The following NPAS3 variants were observed in gnomAD, a reference collection of about 807,000 sequenced individuals.
NPAS3 encodes neuronal PAS domain protein 3.
Under a neutral mutation model 73.1 loss-of-function variants are expected in NPAS3, and 14 were observed. That is an observed-to-expected ratio of 0.19 (90% CI 0.13 to 0.30). The LOEUF is 0.30. Ranked by LOEUF, NPAS3 falls within the 10% of genes least tolerant of loss-of-function variation. NPAS3 has a pLI of 1.00. For synonymous variants in NPAS3, 620 were observed against 541.5 expected (o/e 1.14, Z -2.01); for missense variants, 1,096 against 1,250.0 (o/e 0.88, Z 1.86).
intron 2 of NPAS3, among the ~76,000 whole-genome samples, chr14:33,209,324 T>C (rs1302776671): frequency 1.3e-5 from 2 of 152,214 alleles, no homozygotes; most frequent in East Asian, 3.9e-4. Context: ...TCAGCTGATT[T>C]GATTGACTTT....
intron 3 of NPAS3, among the ~76,000 whole-genome samples, chr14:33,242,655 T>G (rs951538122): frequency 3.3e-5 from 5 of 152,218 alleles, no homozygotes; most frequent in African/African-American, 1.2e-4. Flanking sequence ...TGGCTTTTTC[T>G]TAGAGATTTG....
intron 2 of NPAS3, among the ~76,000 whole-genome samples, chr14:33,141,340 G>A (rs2044035647): frequency 6.6e-6 from 1 of 152,158 alleles, no homozygotes; most frequent in Admixed American, 6.5e-5. Flanking sequence ...ACATTTCACA[G>A]CAGACTACTA....
At chr14:33,692,690 A>T (rs555915122) in intron 6 of NPAS3, among the ~76,000 whole-genome samples, 2 of 152,156 alleles carry the variant, frequency 1.3e-5, no homozygotes, top group Admixed American at 6.6e-5. Context: ...GCAGGATTGC[A>T]GAGCCTCTAG....
rs567822035 is a variant in NPAS3, at chr14:33,117,585, A to G, written c.140+61591A>G. Among the ~76,000 whole-genome samples the G allele has an allele frequency of 3.9e-5, 6 of 152,264 alleles. No homozygotes were observed. The South Asian group carries it at 1.0e-3, about 26-fold the overall frequency. On this transcript the variant is annotated intron_variant, in intron 2 of 11. Transcript: ENST00000356141. ...ATAGCCAAATTTGTGTTTTGCAAAA[A>G]TCAAGATCCTTTCTGAAGACTTGCT...
intron 5 of NPAS3, among the ~76,000 whole-genome samples, chr14:33,643,379 A>AATT (rs2058730063): frequency 6.9e-6 from 1 of 145,086 alleles, no homozygotes; most frequent in Non-Finnish European, 1.5e-5. Context: ...AAAAATTAAA[A>AATT]AAAAAAAAAA....
intron 8 of NPAS3, among the ~76,000 whole-genome samples, chr14:33,777,464 GC>G (rs2062855262): frequency 6.6e-6 from 1 of 151,436 alleles, no homozygotes; most frequent in Admixed American, 6.6e-5. Context: ...TGCCTTGGGG[GC>G]CAGAAAACTC....
intron 6 of NPAS3, among the ~76,000 whole-genome samples, chr14:33,678,378 CA>C (rs1291069974): frequency 4.7e-5 from 7 of 149,242 alleles, no homozygotes; most frequent in African/African-American, 1.8e-4. Flanking sequence ...TAGCTTCTCA[CA>C]CATGTGAAGT....
At chr14:33,071,850 G>A (rs2041495824) in intron 2 of NPAS3, among the ~76,000 whole-genome samples, 1 of 152,130 alleles carries the variant, frequency 6.6e-6, no homozygotes. Flanking sequence ...TAAATGACAT[G>A]TTTCCATCAA....
intron 3 of NPAS3, among the ~76,000 whole-genome samples, chr14:33,362,591 A>AT (rs1235076666): frequency 6.6e-6 from 1 of 152,104 alleles, no homozygotes; most frequent in African/African-American, 2.4e-5. Context: ...TCCATTAAGC[A>AT]TGCCCTTTAG....
At chr14:33,786,385 C>G (rs2063174937) in intron 9 of NPAS3, among the ~76,000 whole-genome samples, 1 of 152,006 alleles carries the variant, frequency 6.6e-6, no homozygotes, top group Non-Finnish European at 1.5e-5. Context: ...TCATGTATTT[C>G]TTTTTAAAGA....
intron 1 of NPAS3, among the ~76,000 whole-genome samples, chr14:33,005,605 C>T (rs7157953): frequency 0.58 from 88,787 of 151,914 alleles, 27,262 homozygotes; most frequent in Non-Finnish European, 0.69. Context: ...CTGAAATAAT[C>T]TGTGCTGGAA....
chr14:33,433,185 G>A (rs61974972), intron 4 of NPAS3, among the ~76,000 whole-genome samples: 2,497 of 152,220 alleles, frequency 0.016, 37 homozygotes, highest in Non-Finnish European at 0.02. Context: ...CAAAAATCGT[G>A]GACCATGAGG....
intron 1 of NPAS3, among the ~76,000 whole-genome samples, chr14:33,027,756 A>T (rs2039857346): frequency 6.6e-6 from 1 of 152,290 alleles, no homozygotes. Context: ...TGAATTTACA[A>T]GGGGCAGTAG....
intron 1 of NPAS3, among the ~76,000 whole-genome samples, chr14:33,053,795 T>G (rs1031475364): frequency 6.6e-6 from 1 of 152,124 alleles, no homozygotes; most frequent in Non-Finnish European, 1.5e-5. Flanking sequence ...GTCCTTCTTT[T>G]CCCCCCTTCC....
chr14:33,212,439 T>A (rs2047073583), intron 2 of NPAS3, among the ~76,000 whole-genome samples: 1 of 142,098 alleles, frequency 7.0e-6, no homozygotes, highest in South Asian at 2.4e-4. Context: ...AAAGACAAGG[T>A]AGAGAAAAGA....
chr14:33,783,166 G>C (rs1480523535), intron 9 of NPAS3, among the ~76,000 whole-genome samples: 2 of 152,198 alleles, frequency 1.3e-5, no homozygotes, highest in East Asian at 3.8e-4. Flanking sequence ...CACAAACAAA[G>C]GGGGAATTTA....
chr14:33,402,760 T>C (rs1289697832), intron 4 of NPAS3, among the ~76,000 whole-genome samples: 1 of 152,182 alleles, frequency 6.6e-6, no homozygotes, highest in African/African-American at 2.4e-5. Flanking sequence ...ATTTATCACA[T>C]GCCTTCTGTG....
intron 2 of NPAS3, among the ~76,000 whole-genome samples, chr14:33,057,553 C>T (rs1010010303): frequency 3.8e-4 from 58 of 152,290 alleles, no homozygotes; most frequent in African/African-American, 1.4e-3. Context: ...TCTGAAATTA[C>T]TGTTGGCTTA....
intron 1 of NPAS3, among the ~76,000 whole-genome samples, chr14:33,054,432 T>C (rs1013002707): frequency 1.3e-5 from 2 of 152,196 alleles, no homozygotes; most frequent in African/African-American, 4.8e-5. Context: ...ATGTATACTT[T>C]ATATAGTTTG....
Sources: allele counts gnomAD v4.1 joint callset (sites outside exome capture counted in the v4.1 genomes callset), GRCh38; gene constraint gnomAD v4.1.1; transcripts MANE v1.5; gene names NCBI Gene and HGNC (gene_info 2026-07-23, HGNC 2026-07-21).